Variants in CELF2 observed in about 807,000 individuals in gnomAD.
The protein encoded by CELF2 is CUG triplet repeat RNA-binding protein 2.
In CELF2, 8 loss-of-function variants were observed where a neutral mutation model predicts 62.6. That is an observed-to-expected ratio of 0.13 (90% CI 0.07 to 0.23). CELF2 has a LOEUF of 0.23. CELF2 is among the 10% of genes least tolerant of loss of function. The pLI is 1.00. For missense variants in CELF2, 333 were observed against 671.0 expected (o/e 0.50, Z 5.56); for synonymous variants, 258 against 250.0 (o/e 1.03, Z -0.30).
At chr10:10,563,626 AAG>A in the CELF2 span, among the ~76,000 whole-genome samples, 1 of 148,044 alleles carries the variant, frequency 6.8e-6, no homozygotes, top group Non-Finnish European at 1.5e-5. Flanking sequence ...AAAAAAAAAA[AAG>A]GGCAAGGGGA....
chr10:11,178,180 C>T lies in CELF2; in HGVS notation c.271+12498C>T, dbSNP rs2071932494. 6.6e-6 allele frequency among the ~76,000 whole-genome samples: 1 copy of T among 152,214 alleles called. No homozygotes were observed. Among genetic ancestry groups the T allele is most frequent in the East Asian group, 1.9e-4 (1 of 5,190 alleles). ...GCAAAGAGGAAATGCGCGTTCTGTG[C>T]CCAGTCCTCGCTCCCCTTTGCCAAC... is the stretch of plus-strand genomic sequence containing the variant. On this transcript the variant is annotated intron_variant, in intron 2 of 12. Transcript: ENST00000633077. This position sits in a 1 kb window ranked among gnomAD's most constrained non-coding sequence, Gnocchi z 4.3.
chr10:11,205,466 C>T (rs979494208), intron 2 of CELF2, among the ~76,000 whole-genome samples: 2 of 152,130 alleles, frequency 1.3e-5, no homozygotes, highest in Non-Finnish European at 2.9e-5. Flanking sequence ...ATTTACATGC[C>T]AGGAACTGTG....
At chr10:11,096,231 G>T (rs1299446521) in intron 1 of CELF2, 2 of 152,240 alleles carry the variant, frequency 1.3e-5, no homozygotes, top group Non-Finnish European at 2.9e-5. Flanking sequence ...GCTATGTTAT[G>T]AATGGATTCT....
chr10:10,980,471 T>A (rs2051950699), intron 2 of CELF2, among the ~76,000 whole-genome samples: 1 of 152,240 alleles, frequency 6.6e-6, no homozygotes, highest in Non-Finnish European at 1.5e-5. Flanking sequence ...CCTCCTTCTC[T>A]TGCTTTCCAC....
intron 1 of CELF2, among the ~76,000 whole-genome samples, chr10:11,022,276 T>G (rs2058455972): frequency 6.6e-6 from 1 of 152,218 alleles, no homozygotes; most frequent in South Asian, 2.1e-4. Flanking sequence ...GAGGAAGAAT[T>G]CATCCCACAT....
At chr10:10,571,853 A>T in the CELF2 span, among the ~76,000 whole-genome samples, 2 of 152,148 alleles carry the variant, frequency 1.3e-5, no homozygotes, top group African/African-American at 4.8e-5. Flanking sequence ...TCAGGATGAG[A>T]TGAGCGTAGG....
At chr10:10,712,494 T>G in the CELF2 span, among the ~76,000 whole-genome samples, 1 of 152,164 alleles carries the variant, frequency 6.6e-6, no homozygotes, top group Admixed American at 6.5e-5. Flanking sequence ...GCTATAAATA[T>G]TGCAAGGTTT....
the CELF2 span, among the ~76,000 whole-genome samples, chr10:10,712,169 A>AAC: frequency 1.3e-5 from 2 of 149,292 alleles, no homozygotes; most frequent in Non-Finnish European, 3.0e-5. Context: ...AAAAAAAAAA[A>AAC]AAAACTGGAA....
At chr10:10,504,086 C>T in the CELF2 span, among the ~76,000 whole-genome samples, 1 of 152,060 alleles carries the variant, frequency 6.6e-6, no homozygotes, top group South Asian at 2.1e-4. Flanking sequence ...TTTAGATACA[C>T]ATAATTTTTG....
chr10:10,625,384 C>T, the CELF2 span, among the ~76,000 whole-genome samples: 274 of 152,304 alleles, frequency 1.8e-3, 1 homozygote, highest in Non-Finnish European at 3.2e-3. Context: ...TCACGGCAAC[C>T]TTTTATAACG....
intron 1 of CELF2, among the ~76,000 whole-genome samples, chr10:10,901,493 T>C (rs2062936433): frequency 6.6e-6 from 1 of 152,312 alleles, no homozygotes; most frequent in South Asian, 2.1e-4. Context: ...ACTTTAATCC[T>C]TACATCATTT....
intron 1 of CELF2, among the ~76,000 whole-genome samples, chr10:11,143,823 C>T (rs372738630): frequency 6.6e-6 from 1 of 152,214 alleles, no homozygotes; most frequent in Admixed American, 6.5e-5. Context: ...TATTAAAATA[C>T]ATTTCTTTTC....
At chr10:10,522,724 C>T in the CELF2 span, among the ~76,000 whole-genome samples, 3 of 152,250 alleles carry the variant, frequency 2.0e-5, no homozygotes, top group East Asian at 5.8e-4. Flanking sequence ...CACATGCCAC[C>T]ATGCCTGGCT....
At chr10:11,121,963 G>T (rs1414403851) in intron 1 of CELF2, among the ~76,000 whole-genome samples, 5 of 152,148 alleles carry the variant, frequency 3.3e-5, no homozygotes. Context: ...TTTTGTCCAT[G>T]TGTGCCAGAT....
At chr10:10,553,398 C>A in the CELF2 span, among the ~76,000 whole-genome samples, 1 of 152,170 alleles carries the variant, frequency 6.6e-6, no homozygotes, top group Non-Finnish European at 1.5e-5. Context: ...GGCACTATCT[C>A]ATTATGAAGG....
chr10:11,173,412 T>C (rs2069688185), intron 2 of CELF2, among the ~76,000 whole-genome samples: 1 of 152,228 alleles, frequency 6.6e-6, no homozygotes, highest in African/African-American at 2.4e-5. Context: ...TGCTGCCTCC[T>C]TCACACTCTG....
At chr10:10,981,972 T>G (rs1458565672) in intron 2 of CELF2, among the ~76,000 whole-genome samples, 1 of 147,968 alleles carries the variant, frequency 6.8e-6, no homozygotes, top group African/African-American at 2.5e-5. Flanking sequence ...TTTTTTTTTT[T>G]GAGATGGAGT....
intron 1 of CELF2, among the ~76,000 whole-genome samples, chr10:10,830,955 T>C (rs1313232961): frequency 6.6e-6 from 1 of 152,230 alleles, no homozygotes; most frequent in African/African-American, 2.4e-5. Flanking sequence ...AATTCCTAGT[T>C]TCTGATTACT....
At chr10:11,194,679 A>G (rs1309329140) in intron 2 of CELF2, among the ~76,000 whole-genome samples, 1 of 152,238 alleles carries the variant, frequency 6.6e-6, no homozygotes, top group African/African-American at 2.4e-5. Context: ...ACATGTTAAT[A>G]TATTCGGCTA....
Sources: allele counts gnomAD v4.1 joint callset (sites outside exome capture counted in the v4.1 genomes callset), GRCh38; gene constraint gnomAD v4.1.1; non-coding constraint Gnocchi (gnomAD v3.1); transcripts MANE v1.5; gene names NCBI Gene and HGNC (gene_info 2026-07-23, HGNC 2026-07-21).